The following KIF6 variants were observed in gnomAD, a reference collection of about 807,000 sequenced individuals.
The protein encoded by KIF6 is kinesin family member 6.
A neutral mutation model predicts 112.7 loss-of-function variants in KIF6; 106 were observed. That is an observed-to-expected ratio of 0.94 (90% CI 0.80 to 1.11). The LOEUF (loss-of-function observed/expected upper bound fraction) is 1.11, where lower values mean the gene tolerates loss of function less well. KIF6 is among the 50% of genes least tolerant of loss of function. The pLI, the probability that KIF6 is intolerant of heterozygous loss-of-function variation, is 0.00. For missense variants in KIF6, 929 were observed against 964.0 expected, an observed-to-expected ratio of 0.96 and a Z score of 0.48; for synonymous variants, 339 against 339.9, an observed-to-expected ratio of 1.00 and a Z score of 0.03.
At chr6:39,666,403 A>G (rs561953633) in intron 3 of KIF6, among the ~76,000 whole-genome samples, 267 of 152,344 alleles carry the variant, frequency 1.8e-3, no homozygotes, top group African/African-American at 6.2e-3. Context: ...AATTGTATAT[A>G]TGAATATACA....
chr6:39,611,725 C>T (rs548918404), intron 6 of KIF6, among the ~76,000 whole-genome samples: 4 of 152,256 alleles, frequency 2.6e-5, no homozygotes, highest in East Asian at 1.9e-4. Context: ...TGTATCTCCT[C>T]GTTTGCTGTT....
At chr6:39,620,714 T>C (rs1402366690) in intron 5 of KIF6, among the ~76,000 whole-genome samples, 2 of 152,082 alleles carry the variant, frequency 1.3e-5, no homozygotes, top group African/African-American at 2.4e-5. Flanking sequence ...TATAAATGTA[T>C]GCATGTTACT....
intron 3 of KIF6, among the ~76,000 whole-genome samples, chr6:39,710,288 C>T: frequency 6.6e-6 from 1 of 152,090 alleles, no homozygotes. Flanking sequence ...CCATCCCTTC[C>T]CCATAGACAC....
intron 13 of KIF6, among the ~76,000 whole-genome samples, chr6:39,498,535 T>C (rs531873232): frequency 6.6e-6 from 1 of 152,336 alleles, no homozygotes; most frequent in East Asian, 1.9e-4. Context: ...TAGTAGATTT[T>C]TTTTCCTTTG....
At chr6:39,353,799 C>T (rs548637672) in intron 19 of KIF6, 28 of 324,400 alleles carry the variant, frequency 8.6e-5, no homozygotes, top group African/African-American at 3.0e-4. Flanking sequence ...TTCCCTAGTG[C>T]GGTGTCCGGC....
chr6:39,504,543 G>A (rs774872596), intron 13 of KIF6, among the ~76,000 whole-genome samples: 2 of 152,134 alleles, frequency 1.3e-5, no homozygotes, highest in African/African-American at 2.4e-5. Context: ...CAAATAGGAA[G>A]AGAAGAAGTC....
At chr6:39,593,637 G>A (rs1417947138) in intron 7 of KIF6, among the ~76,000 whole-genome samples, 1 of 152,188 alleles carries the variant, frequency 6.6e-6, no homozygotes, top group Non-Finnish European at 1.5e-5. Flanking sequence ...CGGTTACAGA[G>A]ACCAAGGGGC....
intron 11 of KIF6, among the ~76,000 whole-genome samples, 191 bp downstream of exon 11, chr6:39,545,388 GTTTA>G (rs948826557): frequency 6.6e-6 from 1 of 152,214 alleles, no homozygotes; most frequent in African/African-American, 2.4e-5. Flanking sequence ...CATGGCCTGA[GTTTA>G]TTTATTGGCA....
chr6:39,570,005 G>A (rs1293480552), intron 10 of KIF6, among the ~76,000 whole-genome samples: 1 of 152,058 alleles, frequency 6.6e-6, no homozygotes, highest in African/African-American at 2.4e-5. Flanking sequence ...CTTCCTTTAG[G>A]CATATTTATT....
intron 2 of KIF6, among the ~76,000 whole-genome samples, chr6:39,716,832 C>G (rs1295248589): frequency 6.6e-6 from 1 of 152,176 alleles, no homozygotes; most frequent in Non-Finnish European, 1.5e-5. Context: ...TTCCTGTGCT[C>G]TTCCTCATCT....
chr6:39,367,866 C>T (rs1229816301), intron 16 of KIF6, among the ~76,000 whole-genome samples: 1 of 152,158 alleles, frequency 6.6e-6, no homozygotes, highest in Non-Finnish European at 1.5e-5. Flanking sequence ...GGGTGCACAT[C>T]AGAATCACTT....
At chr6:39,387,489 G>T (rs1422410844) in intron 15 of KIF6, among the ~76,000 whole-genome samples, 3 of 152,162 alleles carry the variant, frequency 2.0e-5, no homozygotes, top group African/African-American at 7.2e-5. Context: ...AGAGAATTAT[G>T]CATAGAGAGC....
chr6:39,377,367 C>T (rs923818436), intron 16 of KIF6, among the ~76,000 whole-genome samples: 3 of 151,288 alleles, frequency 2.0e-5, no homozygotes, highest in Non-Finnish European at 2.9e-5. Context: ...CCCATCCCCC[C>T]CCAACCCCGG....
At chr6:39,461,841 T>C (rs1256374885) in intron 13 of KIF6, among the ~76,000 whole-genome samples, 2 of 152,202 alleles carry the variant, frequency 1.3e-5, no homozygotes, top group African/African-American at 4.8e-5. Context: ...TTATGTGTAA[T>C]ACAAAAAGTG....
At chr6:39,684,313 C>T (rs997991592) in intron 3 of KIF6, among the ~76,000 whole-genome samples, 1 of 151,998 alleles carries the variant, frequency 6.6e-6, no homozygotes, top group South Asian at 2.1e-4. Flanking sequence ...ACCAGCCTGA[C>T]CAACATGGAG....
At chr6:39,635,027 C>T in intron 4 of KIF6, 69 bp from the exon 5 acceptor site, 3 of 812,924 alleles carry the variant, frequency 3.7e-6, no homozygotes, top group Non-Finnish European at 6.4e-6. Flanking sequence ...AAGATGAACA[C>T]ATTTAGCACT....
At chr6:39,547,923 C>A (rs1233744609) in intron 10 of KIF6, among the ~76,000 whole-genome samples, 1 of 152,174 alleles carries the variant, frequency 6.6e-6, no homozygotes, top group Non-Finnish European at 1.5e-5. Context: ...CCTTGATCTA[C>A]AAACCTGACT....
At chr6:39,640,448 TTAATC>T (rs1316072937) in intron 3 of KIF6, among the ~76,000 whole-genome samples, 8 of 152,240 alleles carry the variant, frequency 5.3e-5, no homozygotes, top group African/African-American at 1.9e-4. Flanking sequence ...AACTGTGTCT[TTAATC>T]TATGCTACAT....
intron 15 of KIF6, among the ~76,000 whole-genome samples, chr6:39,418,233 T>C (rs895831706): frequency 6.6e-6 from 1 of 152,204 alleles, no homozygotes; most frequent in African/African-American, 2.4e-5. Flanking sequence ...AGTTTTAGGA[T>C]GTTCAGGAAT....
Sources: gnomAD v4.1 joint callset for allele counts (sites outside exome capture counted in the v4.1 genomes callset) on GRCh38, gnomAD v4.1.1 for gene constraint, MANE v1.5 for transcripts, NCBI Gene and HGNC (gene_info 2026-07-23, HGNC 2026-07-21) for gene names.